COG5: variants seen among roughly 807,000 people sequenced by gnomAD.
COG5 encodes the protein conserved oligomeric Golgi complex subunit 5.
Under a neutral mutation model 110.4 loss-of-function variants are expected in COG5, and 86 were observed. The observed-to-expected ratio is 0.78, with a 90% CI of 0.65 to 0.93. COG5 has a LOEUF of 0.93. Ranked by LOEUF, COG5 falls within the 40% of genes least tolerant of loss-of-function variation. COG5 has a pLI of 0.00. For synonymous variants in COG5, 360 were observed against 334.6 expected (o/e 1.08, Z -0.83); for missense variants, 1,077 against 987.0 (o/e 1.09, Z -1.22).
chr7:107,516,754 G>C (rs1217660283), intron 6 of COG5, among the ~76,000 whole-genome samples: 1 of 152,150 alleles, frequency 6.6e-6, no homozygotes, highest in Non-Finnish European at 1.5e-5. Context: ...AACTGCAGCA[G>C]ACCTGCAGAA....
At chr7:107,464,251 G>A (rs1796170631) in intron 6 of COG5, among the ~76,000 whole-genome samples, 1 of 152,116 alleles carries the variant, frequency 6.6e-6, no homozygotes, top group South Asian at 2.1e-4. Flanking sequence ...CCTCATTGCT[G>A]ACATCTTTTA....
intron 6 of COG5, among the ~76,000 whole-genome samples, chr7:107,438,634 G>A (rs939174431): frequency 2.0e-5 from 3 of 152,106 alleles, no homozygotes; most frequent in African/African-American, 7.2e-5. Context: ...AATACCCCTG[G>A]ACTATCACAT....
chr7:107,276,631 C>G (rs1804722288), intron 14 of COG5, among the ~76,000 whole-genome samples: 2 of 152,140 alleles, frequency 1.3e-5, no homozygotes, highest in Admixed American at 1.3e-4. Context: ...TCAGGCTGGC[C>G]AACAGAGTGA....
intron 11 of COG5, among the ~76,000 whole-genome samples, chr7:107,319,992 C>A (rs1262733983): frequency 8.6e-5 from 13 of 151,634 alleles, no homozygotes; most frequent in African/African-American, 2.7e-4. Flanking sequence ...ACAACAACAA[C>A]AAAAAAAACT....
chr7:107,209,212 G>C (rs542942058), intron 21 of COG5: 3 of 985,362 alleles, frequency 3.0e-6, no homozygotes, highest in Non-Finnish European at 3.6e-6. Flanking sequence ...GGAGAGTTGA[G>C]AATGACTTCA....
chr7:107,474,324 T>A lies in COG5; in HGVS notation c.538+52913A>T. ...TTACAATGAATCTTCATGTACTTGATGTAATAATTTGTGTGGGATGTATTC... is the reference window on the plus strand; with the variant it reads ...TTACAATGAATCTTCATGTACTTGAAGTAATAATTTGTGTGGGATGTATTC... On this transcript the variant is annotated intron_variant, in intron 6 of 21. Coordinates refer to ENST00000297135, the MANE Select transcript of COG5 (RefSeq NM_006348.5). The surrounding 1 kb of genome is among the most constrained non-coding windows in gnomAD (Gnocchi z 5.7). 6.2e-7 allele frequency: 1 copy of A among 1,611,302 alleles called. No individual in the cohort carries two copies. Among genetic ancestry groups the A allele is most frequent in the South Asian group, 1.1e-5 (1 of 91,002 alleles).
chr7:107,354,204 G>C (rs1453160542), intron 10 of COG5, among the ~76,000 whole-genome samples: 1 of 152,132 alleles, frequency 6.6e-6, no homozygotes, highest in African/African-American at 2.4e-5. Flanking sequence ...CTTGACATTA[G>C]TTTATTTAAG....
chr7:107,488,838 C>A (rs1797811321), intron 6 of COG5, among the ~76,000 whole-genome samples: 1 of 152,006 alleles, frequency 6.6e-6, no homozygotes, highest in African/African-American at 2.4e-5. Flanking sequence ...CAGAGTAAGA[C>A]CCTGCCTCAA....
intron 6 of COG5, among the ~76,000 whole-genome samples, chr7:107,501,593 A>G (rs1325049959): frequency 1.1e-4 from 17 of 152,210 alleles, no homozygotes; most frequent in Admixed American, 1.1e-3. Flanking sequence ...TAAAAGAATG[A>G]ATAGAATCAT....
chr7:107,493,316 C>T (rs147243757), intron 6 of COG5, among the ~76,000 whole-genome samples: 1 of 152,158 alleles, frequency 6.6e-6, no homozygotes, highest in African/African-American at 2.4e-5. Flanking sequence ...TACAGCAGTA[C>T]AAAACAGAGT....
At chr7:107,363,279 T>C (rs1813289832) in intron 8 of COG5, among the ~76,000 whole-genome samples, 1 of 152,182 alleles carries the variant, frequency 6.6e-6, no homozygotes. Context: ...AAAAGAGTGA[T>C]TTCATATTTG....
intron 5 of COG5, among the ~76,000 whole-genome samples, chr7:107,535,495 C>A (rs1264999960): frequency 6.7e-6 from 1 of 150,340 alleles, no homozygotes; most frequent in Non-Finnish European, 1.5e-5. Flanking sequence ...ACTGATCCCA[C>A]AGAAATACAA....
intron 19 of COG5, among the ~76,000 whole-genome samples, chr7:107,213,615 T>C (rs183100153): frequency 1.6e-3 from 241 of 152,302 alleles, no homozygotes; most frequent in African/African-American, 5.5e-3. Context: ...CCAGTAGTCT[T>C]GCTGGAAGGT....
rs1344094419 is a variant in COG5, at chr7:107,281,202, GTAAA to G, written c.1575+94_1575+97del. The G allele has an allele frequency of 7.2e-6, 6 of 831,620 alleles. No individual in the cohort carries two copies. The East Asian group carries it at 8.2e-5, about 11-fold the overall frequency. The allele number at this position is 831,620 out of a possible 1,614,324, so 51.5% of individuals were successfully genotyped here. On this transcript the variant is annotated intron_variant, in intron 14 of 21. Coordinates refer to ENST00000297135, the MANE Select transcript of COG5 (RefSeq NM_006348.5). The stretch of plus-strand genomic sequence containing the variant: ...TTCACTACAGTAAAAATGGAAGTAA[GTAAA>G]TAGTCAATTCAATATTTATGATTAG...
chr7:107,526,610 A>AT (rs1213542509), intron 6 of COG5, among the ~76,000 whole-genome samples: 2 of 152,228 alleles, frequency 1.3e-5, no homozygotes, highest in East Asian at 3.8e-4. Context: ...ACACCTATTC[A>AT]TAATCACCAA....
intron 11 of COG5, among the ~76,000 whole-genome samples, chr7:107,302,893 A>G (rs1807393685): frequency 6.6e-6 from 1 of 152,196 alleles, no homozygotes; most frequent in Admixed American, 6.5e-5. Flanking sequence ...CTAAAAAACA[A>G]TATGCTAATG....
intron 17 of COG5, among the ~76,000 whole-genome samples, chr7:107,243,972 C>T (rs140040600): frequency 9.1e-4 from 139 of 152,222 alleles, no homozygotes; most frequent in Non-Finnish European, 1.7e-3. Context: ...TTGGGCTGGA[C>T]GTGGTGGCTC....
At chr7:107,310,079 T>A (rs1808089545) in intron 11 of COG5, among the ~76,000 whole-genome samples, 1 of 152,228 alleles carries the variant, frequency 6.6e-6, no homozygotes, top group South Asian at 2.1e-4. Flanking sequence ...CAAAGCAGTA[T>A]GTAAAGATAT....
chr7:107,225,735 C>T (rs976162578), intron 19 of COG5, among the ~76,000 whole-genome samples: 1 of 152,136 alleles, frequency 6.6e-6, no homozygotes, highest in African/African-American at 2.4e-5. Flanking sequence ...CTAGTAGATG[C>T]TATTATTTTA....
Sources: allele counts gnomAD v4.1 joint callset (sites outside exome capture counted in the v4.1 genomes callset), GRCh38; gene constraint gnomAD v4.1.1; non-coding constraint Gnocchi (gnomAD v3.1); transcripts MANE v1.5; gene names NCBI Gene and HGNC (gene_info 2026-07-23, HGNC 2026-07-21).